Variants in BCKDHB observed in about 807,000 individuals in gnomAD.
The protein encoded by BCKDHB is branched chain keto acid dehydrogenase E1 subunit beta, also known as 2-oxoisovalerate dehydrogenase subunit beta, mitochondrial.
A neutral mutation model predicts 48.5 loss-of-function variants in BCKDHB; 41 were observed. The observed-to-expected ratio is 0.85, with a 90% CI of 0.66 to 1.10. BCKDHB has a LOEUF of 1.10. Ranked by LOEUF, BCKDHB falls within the 50% of genes least tolerant of loss-of-function variation. BCKDHB has a pLI of 0.00. For missense variants in BCKDHB, 496 were observed against 494.2 expected (o/e 1.00, Z -0.03); for synonymous variants, 201 against 174.8 (o/e 1.15, Z -1.18).
chr6:80,389,908 G>C, the BCKDHB span, among the ~76,000 whole-genome samples: 1 of 152,250 alleles, frequency 6.6e-6, no homozygotes, highest in South Asian at 2.1e-4. Flanking sequence ...CACCCCTAGT[G>C]ATCCAGTAGC....
the BCKDHB span, among the ~76,000 whole-genome samples, chr6:80,405,006 G>A: frequency 6.6e-6 from 1 of 152,032 alleles, no homozygotes; most frequent in East Asian, 1.9e-4. Flanking sequence ...AGAAGAATGT[G>A]TACTCTTCTG....
At chr6:80,114,377 A>G (rs1769575192) in intron 1 of BCKDHB, among the ~76,000 whole-genome samples, 1 of 151,572 alleles carries the variant, frequency 6.6e-6, no homozygotes, top group African/African-American at 2.4e-5. Flanking sequence ...CCTCCAGGGT[A>G]GCTGGGACTA....
At chr6:80,466,645 A>G in the BCKDHB span, among the ~76,000 whole-genome samples, 1 of 152,180 alleles carries the variant, frequency 6.6e-6, no homozygotes, top group African/African-American at 2.4e-5. Context: ...TTATTTGTCA[A>G]CCATTCCCCA....
chr6:80,343,628 A>T (rs745429430), intron 9 of BCKDHB, 36 bp from the exon 10 acceptor site: 3 of 1,612,938 alleles, frequency 1.9e-6, no homozygotes, highest in Non-Finnish European at 2.5e-6. Flanking sequence ...GAGTAAAAAA[A>T]ATTCTTGAAG....
the BCKDHB span, among the ~76,000 whole-genome samples, chr6:80,385,066 T>G: frequency 6.6e-6 from 1 of 152,072 alleles, no homozygotes; most frequent in African/African-American, 2.4e-5. Context: ...GGCAAGAAGT[T>G]TAGTGATTTT....
At chr6:80,163,479 G>T (rs1056640244) in intron 3 of BCKDHB, among the ~76,000 whole-genome samples, 23 of 151,796 alleles carry the variant, frequency 1.5e-4, no homozygotes, top group African/African-American at 5.6e-4. Context: ...TCTCCTCCTG[G>T]TTTTCCTCCA....
chr6:80,363,856 A>G, the BCKDHB span, among the ~76,000 whole-genome samples: 1 of 152,242 alleles, frequency 6.6e-6, no homozygotes, highest in Non-Finnish European at 1.5e-5. Context: ...TAATATGGCA[A>G]AAATTACGTA....
At chr6:80,278,308 A>G (rs934798200) in intron 9 of BCKDHB, among the ~76,000 whole-genome samples, 1 of 152,170 alleles carries the variant, frequency 6.6e-6, no homozygotes, top group Non-Finnish European at 1.5e-5. Flanking sequence ...GAGTGTTTGG[A>G]TATAGGATGG....
intron 1 of BCKDHB, among the ~76,000 whole-genome samples, chr6:80,110,815 G>T (rs1342213747): frequency 6.6e-6 from 1 of 152,130 alleles, no homozygotes. Context: ...AGCTTAATTG[G>T]GTATTGTTTT....
At chr6:80,241,626 A>G (rs769706892) in intron 8 of BCKDHB, among the ~76,000 whole-genome samples, 2 of 152,126 alleles carry the variant, frequency 1.3e-5, no homozygotes, top group Non-Finnish European at 2.9e-5. Context: ...TTTTTTATAC[A>G]TATTTCTTTA....
chr6:80,125,558 AC>A (rs1770300072), intron 1 of BCKDHB, among the ~76,000 whole-genome samples: 5 of 152,174 alleles, frequency 3.3e-5, no homozygotes, highest in Admixed American at 3.3e-4. Flanking sequence ...TTTCTAACTT[AC>A]GATTTAAAGT....
At chr6:80,212,725 A>G (rs938263225) in intron 8 of BCKDHB, among the ~76,000 whole-genome samples, 1 of 152,214 alleles carries the variant, frequency 6.6e-6, no homozygotes, top group African/African-American at 2.4e-5. Flanking sequence ...AATCTTCACA[A>G]TTTATGTTCC....
the BCKDHB span, among the ~76,000 whole-genome samples, chr6:80,411,475 G>A: frequency 6.6e-6 from 1 of 152,228 alleles, no homozygotes; most frequent in Non-Finnish European, 1.5e-5. Flanking sequence ...GCTGTGCTGG[G>A]AGAACCACTA....
intron 5 of BCKDHB, 123 bp from the exon 6 acceptor site, chr6:80,171,155 AAAAT>A (rs1772894599): frequency 8.0e-6 from 5 of 623,376 alleles, no homozygotes; most frequent in African/African-American, 7.4e-5. Context: ...AATTAGGCTT[AAAAT>A]AAATAGCCAA....
chr6:80,167,535 G>T, intron 3 of BCKDHB, 143 bp from the exon 4 acceptor site: 1 of 895,548 alleles, frequency 1.1e-6, no homozygotes, highest in South Asian at 1.6e-5. Context: ...AGCCACCGTG[G>T]CTAGCCATAC....
At chr6:80,416,028 T>A in the BCKDHB span, among the ~76,000 whole-genome samples, 2 of 151,868 alleles carry the variant, frequency 1.3e-5, no homozygotes, top group Non-Finnish European at 2.9e-5. Context: ...GATTTTTTTT[T>A]ATTTCTTCTA....
intron 8 of BCKDHB, among the ~76,000 whole-genome samples, chr6:80,206,407 A>G (rs1256571714): frequency 6.6e-6 from 1 of 152,134 alleles, no homozygotes; most frequent in Non-Finnish European, 1.5e-5. Flanking sequence ...GGGGAAAGAA[A>G]CAATAAAAAG....
chr6:80,122,582 A>T (rs1770088463), intron 1 of BCKDHB, among the ~76,000 whole-genome samples: 1 of 152,168 alleles, frequency 6.6e-6, no homozygotes, highest in Non-Finnish European at 1.5e-5. Context: ...TGCCCACCTG[A>T]GGCTCAAACC....
At chr6:80,380,794 A>G in the BCKDHB span, among the ~76,000 whole-genome samples, 118 of 152,154 alleles carry the variant, frequency 7.8e-4, 1 homozygote, top group East Asian at 0.021. Flanking sequence ...ATGTTTCTCA[A>G]AAAAAGAAGT....
Sources: allele counts gnomAD v4.1 joint callset (sites outside exome capture counted in the v4.1 genomes callset), GRCh38; gene constraint gnomAD v4.1.1; transcripts MANE v1.5; gene names NCBI Gene and HGNC (gene_info 2026-07-23, HGNC 2026-07-21).